Variants in CCR6 observed in about 807,000 individuals in gnomAD.
CCR6 encodes C-C chemokine receptor type 6.
A neutral mutation model predicts 3.0 loss-of-function variants in CCR6; 2 were observed. The ratio of observed to expected loss-of-function variants is 0.66; its 90% CI spans 0.27 to 2.07. The LOEUF (loss-of-function observed/expected upper bound fraction) is 2.07. CCR6 is among the 30% of genes most tolerant of loss of function. CCR6 has a pLI of 0.14. For synonymous variants in CCR6, 193 were observed against 184.3 expected, an observed-to-expected ratio of 1.05 and a Z score of -0.38; for missense variants, 322 against 462.8, an observed-to-expected ratio of 0.70 and a Z score of 2.79.
chr6:167,134,649 T>TG (rs3839361), intron 1 of CCR6, among the ~76,000 whole-genome samples: 27,254 of 152,216 alleles, frequency 0.18, 2,589 homozygotes, highest in East Asian at 0.21. Flanking sequence ...TGACACAGTG[T>TG]GGGGGCGAGG....
rs1781614695 is a variant in CCR6 at position 167,123,165 on chromosome 6, T to C, written c.-156T>C. 6.5e-6 allele frequency: 1 copy of C among 152,704 alleles called. No individual in the cohort carries two copies. The highest frequency in any genetic ancestry group is 6.5e-5 in the Admixed American group (1 of 15,274). 9.5% of individuals were successfully genotyped at this position (152,704 alleles called of 1,614,324 possible). ...TGGTCATCACATTGGTGAGCTGGAG[T>C]CATCAGATTGTGGGGCCCGGAGTGA... is the stretch of plus-strand genomic sequence containing the variant. On this transcript the variant is annotated 5_prime_UTR_variant, in exon 1 of 3. Coordinates refer to ENST00000341935, the MANE Select transcript of CCR6 (RefSeq NM_031409.4).
At chr6:167,131,745 G>A (rs894941497) in intron 1 of CCR6, among the ~76,000 whole-genome samples, 1 of 152,122 alleles carries the variant, frequency 6.6e-6, no homozygotes, top group Non-Finnish European at 1.5e-5. Context: ...AGTGCTCAGC[G>A]GCAGATCCTT....
chr6:167,132,688 A>G (rs986514585), intron 1 of CCR6, among the ~76,000 whole-genome samples: 2 of 152,112 alleles, frequency 1.3e-5, no homozygotes, highest in African/African-American at 4.8e-5. Flanking sequence ...TTACAGGAGC[A>G]CGCCATCACG....
intron 1 of CCR6, chr6:167,126,217 A>G (rs1399491060): frequency 1.3e-5 from 2 of 152,228 alleles, no homozygotes; most frequent in Non-Finnish European, 2.9e-5. Context: ...AAGGTAGTTT[A>G]TTTATATGAT....
In CCR6 at chr6:167,136,533, C is replaced by G. The variant is rs1333636019; in HGVS notation, c.303C>G (p.Phe101Leu). 1 of 1,593,526 alleles carries G rather than the reference C, an allele frequency of 6.3e-7. No individual in the cohort carries two copies. The highest frequency in any genetic ancestry group is 8.6e-7 in the Non-Finnish European group (1 of 1,168,778). The change falls in exon 3 of 3, where the codon TTC becomes TTG. Residue 101 changes from phenylalanine (F) to leucine (L), a missense_variant. Coordinates refer to ENST00000341935, the MANE Select transcript of CCR6 (RefSeq NM_031409.4). The surrounding 1 kb of genome is among the most constrained non-coding windows in gnomAD (Gnocchi z 4.6). ...TCCTCTTTGTTCTTACTCTCCCATT[C>G]TGGGCAGTGAGTCATGCCACCGGTG... is the stretch of plus-strand genomic sequence containing the variant. The part of the protein sequence containing the change: ...ADILFVLTLP[F>L]WAVSHATGAW...
intron 1 of CCR6, among the ~76,000 whole-genome samples, chr6:167,135,738 C>T (rs1318187529): frequency 1.3e-5 from 2 of 152,152 alleles, no homozygotes; most frequent in South Asian, 2.1e-4. Context: ...AAATTATAGC[C>T]TCTAGCCAAC....
In CCR6 at chr6:167,137,518, C is replaced by G. The variant is rs1023089234; in HGVS notation, c.*163C>G. ...GTGCTCATGGGCTGTGTGATCTCTT[C>G]AGGGTGGGGTGGTCTCTGATAGGTA... On this transcript the variant is annotated 3_prime_UTR_variant, in exon 3 of 3. Coordinates refer to ENST00000341935, the MANE Select transcript of CCR6 (RefSeq NM_031409.4). The surrounding 1 kb of genome is among the most constrained non-coding windows in gnomAD (Gnocchi z 4.6). 1.2e-5 allele frequency: 8 copies of G among 657,028 alleles called. No individual in the cohort carries two copies. Among genetic ancestry groups the G allele is most frequent in the Non-Finnish European group, 1.8e-5 (7 of 393,356 alleles). The allele number at this position is 657,028 out of a possible 1,614,324, so 40.7% of individuals were successfully genotyped here. A position where few individuals can be genotyped will look rare whatever the true frequency, so the allele number is the denominator to read the frequency against.
In CCR6 at chr6:167,136,155, A is replaced by T. The variant is rs9459886; in HGVS notation, c.9+12A>T. 2.5e-6 allele frequency: 4 copies of T among 1,613,448 alleles called. No homozygotes were observed. The highest frequency in any genetic ancestry group is 1.3e-5 in the African/African-American group (1 of 74,846). ...CCACAATGAGCGGGGTAAGATTTTT[A>T]TTTTTGGCAAGGGGTATAATTTGGG... On this transcript the variant is annotated intron_variant, in intron 2 of 2. Coordinates refer to ENST00000341935, the MANE Select transcript of CCR6 (RefSeq NM_031409.4). The surrounding 1 kb of genome is among the most constrained non-coding windows in gnomAD (Gnocchi z 4.6).
chr6:167,120,556 C>G (rs17860841), upstream of CCR6, among the ~76,000 whole-genome samples: 4 of 152,170 alleles, frequency 2.6e-5, no homozygotes, highest in African/African-American at 9.7e-5. Flanking sequence ...GAGCTGTACA[C>G]AGTGTCCTCT....
At chr6:167,121,395 T>C (rs1213001009), upstream of CCR6, 2 of 152,250 alleles carry the variant, frequency 1.3e-5, no homozygotes, top group Non-Finnish European at 2.9e-5. Flanking sequence ...TAATCATCTA[T>C]AAAAGGGCTT....
At position 167,112,227 on chromosome 6, in the gene CCR6, C is replaced by T. The variant is rs947072009; in HGVS notation, c.-98+213C>T. ...AGTCTATTATGTGACATGCTCTATTCTAGAGACTTTGGTATGTGTTATTTT... is the reference window on the plus strand; with the variant it reads ...AGTCTATTATGTGACATGCTCTATTTTAGAGACTTTGGTATGTGTTATTTT... On this transcript the variant is annotated intron_variant, in intron 1 of 2. Coordinates refer to the CCR6 transcript ENST00000400926. Among the ~76,000 whole-genome samples, 4 of 152,134 alleles carry T rather than the reference C, an allele frequency of 2.6e-5. No homozygotes were observed. The East Asian group carries it at 7.7e-4, about 29-fold the overall frequency.
intron 1 of CCR6, among the ~76,000 whole-genome samples, chr6:167,113,853 T>C (rs1258857984): frequency 6.6e-6 from 1 of 152,212 alleles, no homozygotes; most frequent in East Asian, 1.9e-4. Context: ...AGGCAAGACA[T>C]GCATTCCTCT....
chr6:167,118,269 G>C (rs755427593), upstream of CCR6, among the ~76,000 whole-genome samples: 5 of 152,116 alleles, frequency 3.3e-5, no homozygotes, highest in African/African-American at 2.4e-5. Context: ...CTTTGTCTTC[G>C]ATCTTCACAT....
In CCR6 at chr6:167,114,162, C is replaced by T. The variant is rs111726521; in HGVS notation, c.-98+2148C>T. Among the ~76,000 whole-genome samples, 719 of 152,308 alleles carry T rather than the reference C, an allele frequency of 4.7e-3. 2 individuals are homozygous for T. The highest frequency in any genetic ancestry group is 8.6e-3 in the Non-Finnish European group (588 of 68,014). ...TAGAGCTGGGTGTAGGAGGACTCTCCGGCAGCTTCTGCCTCTCCCTCCTCA... is the reference window on the plus strand; with the variant it reads ...TAGAGCTGGGTGTAGGAGGACTCTCTGGCAGCTTCTGCCTCTCCCTCCTCA... On this transcript the variant is annotated intron_variant, in intron 1 of 2. Transcript: ENST00000400926.
At chr6:167,117,404 T>TA (rs1781511646) in intron 1 of CCR6, among the ~76,000 whole-genome samples, 1 of 48,750 alleles carries the variant, frequency 2.1e-5, no homozygotes, top group African/African-American at 5.5e-5. Flanking sequence ...CTCTATTTTC[T>TA]TTTTTTTTTT....
chr6:167,128,013 C>G (rs911131040), intron 1 of CCR6, among the ~76,000 whole-genome samples: 2 of 152,216 alleles, frequency 1.3e-5, no homozygotes, highest in African/African-American at 2.4e-5. Context: ...CTTGTGGCCC[C>G]CTCTTCTGTC....
upstream of CCR6, chr6:167,119,299 G>A (rs113541954): frequency 0.021 from 3,142 of 153,036 alleles, 94 homozygotes; most frequent in African/African-American, 0.071. Context: ...TGAACTGGAC[G>A]CTCGCAGTGG....
chr6:167,126,520 C>A (rs973642356), intron 1 of CCR6: 9 of 152,296 alleles, frequency 5.9e-5, no homozygotes, highest in Non-Finnish European at 1.2e-4. Flanking sequence ...CTGGGTCAGG[C>A]AATGCCAGCC....
Position 167,137,753 on chromosome 6 carries a change from G to GA in CCR6, c.*407dup, listed in dbSNP as rs199864702. On this transcript the variant is annotated 3_prime_UTR_variant, in exon 3 of 3. Transcript: ENST00000341935. This position sits in a 1 kb window ranked among gnomAD's most constrained non-coding sequence, Gnocchi z 4.6. ...GGCAGTGGTTTGAAAAACTAAAACAGAAAAAAAAATGGAAGCCAACACATC... is the reference window on the plus strand; with the variant it reads ...GGCAGTGGTTTGAAAAACTAAAACAGAAAAAAAAAATGGAAGCCAACACATC... 169 of 158,798 alleles carry GA rather than the reference G, an allele frequency of 1.1e-3. No individual in the cohort carries two copies. Among genetic ancestry groups the GA allele is most frequent in the Admixed American group, 1.5e-3 (25 of 16,922 alleles). 9.8% of individuals were successfully genotyped at this position (158,798 alleles called of 1,614,324 possible). A position where few individuals can be genotyped will look rare whatever the true frequency, so the allele number is the denominator to read the frequency against.
Sources: gnomAD v4.1 joint callset for allele counts (sites outside exome capture counted in the v4.1 genomes callset) on GRCh38, gnomAD v4.1.1 for gene constraint, Gnocchi (gnomAD v3.1) non-coding constraint, MANE v1.5 for transcripts, NCBI Gene and HGNC (gene_info 2026-07-23, HGNC 2026-07-21) for gene names.